Variants in TENM2 observed in about 807,000 individuals in gnomAD.
TENM2 encodes teneurin transmembrane protein 2.
Under a neutral mutation model 245.2 loss-of-function variants are expected in TENM2, and 52 were observed. The ratio of observed to expected loss-of-function variants is 0.21; its 90% CI spans 0.17 to 0.27. TENM2 has a LOEUF of 0.27. Ranked by LOEUF, TENM2 falls within the 10% of genes least tolerant of loss-of-function variation. TENM2 has a pLI of 1.00. For synonymous variants in TENM2, 1,363 were observed against 1,438.9 expected, an observed-to-expected ratio of 0.95 and a Z score of 1.19; for missense variants, 3,046 against 3,666.8, an observed-to-expected ratio of 0.83 and a Z score of 4.37.
intron 12 of TENM2, among the ~76,000 whole-genome samples, chr5:168,137,564 A>G (rs1248218464): frequency 6.6e-6 from 1 of 152,206 alleles, no homozygotes; most frequent in African/African-American, 2.4e-5. Flanking sequence ...ACAAAACTCA[A>G]AACGGTGGCT....
chr5:167,286,655 G>A (rs529921470), intron 1 of TENM2, among the ~76,000 whole-genome samples: 2 of 152,190 alleles, frequency 1.3e-5, no homozygotes, highest in South Asian at 2.1e-4. Flanking sequence ...TCTCATTTAC[G>A]TTGTTCCTGC....
exon 29 of TENM2, chr5:168,262,921 G>A: frequency 1.9e-6 from 2 of 1,050,710 alleles, no homozygotes; most frequent in Non-Finnish European, 2.7e-6. Flanking sequence ...GGCTGCTTTA[G>A]GAGACCAAGT....
intron 6 of TENM2, among the ~76,000 whole-genome samples, chr5:168,049,876 C>G (rs1788925091): frequency 6.6e-6 from 1 of 152,172 alleles, no homozygotes; most frequent in Non-Finnish European, 1.5e-5. Flanking sequence ...AATCTCGGCT[C>G]ACTGCAACCT....
intron 3 of TENM2, among the ~76,000 whole-genome samples, chr5:167,881,760 T>C (rs2151416658): frequency 6.6e-6 from 1 of 152,284 alleles, no homozygotes; most frequent in African/African-American, 2.4e-5. Flanking sequence ...AAGTCCAGCA[T>C]GTTATCTTTG....
At chr5:167,489,447 A>G (rs925948330) in intron 2 of TENM2, among the ~76,000 whole-genome samples, 2 of 152,146 alleles carry the variant, frequency 1.3e-5, no homozygotes, top group Non-Finnish European at 2.9e-5. Context: ...GTTCACTCCC[A>G]CACTATCTTC....
intron 2 of TENM2, among the ~76,000 whole-genome samples, chr5:167,510,598 GAAGAA>G (rs1336973372): frequency 6.8e-6 from 1 of 147,144 alleles, no homozygotes; most frequent in Admixed American, 6.9e-5. Flanking sequence ...GAGAAAGAAA[GAAGAA>G]AAGGAAAGAA....
chr5:167,597,484 C>T (rs996236548), intron 2 of TENM2, among the ~76,000 whole-genome samples: 6 of 152,112 alleles, frequency 3.9e-5, no homozygotes, highest in Non-Finnish European at 7.4e-5. Flanking sequence ...GCCCCATCCC[C>T]ATATGTAACT....
intron 4 of TENM2, among the ~76,000 whole-genome samples, chr5:167,992,555 T>C (rs1164492957): frequency 6.6e-6 from 1 of 152,192 alleles, no homozygotes; most frequent in Non-Finnish European, 1.5e-5. Flanking sequence ...AGTATACCTA[T>C]ATAACAAACT....
At chr5:167,708,196 A>C (rs1682494091) in intron 2 of TENM2, among the ~76,000 whole-genome samples, 1 of 152,138 alleles carries the variant, frequency 6.6e-6, no homozygotes, top group South Asian at 2.1e-4. Context: ...AAGAGTTATC[A>C]CAACTGAAGA....
intron 2 of TENM2, among the ~76,000 whole-genome samples, chr5:167,662,811 C>T (rs1014914773): frequency 3.9e-5 from 6 of 152,138 alleles, no homozygotes; most frequent in Non-Finnish European, 7.3e-5. Context: ...CCATCAGCAT[C>T]ACCTGAGAGC....
upstream of TENM2, among the ~76,000 whole-genome samples, chr5:167,282,000 CAAAAAA>C (rs150534598): frequency 9.3e-6 from 1 of 107,456 alleles, no homozygotes; most frequent in Admixed American, 9.8e-5. Flanking sequence ...AACTCCATCT[CAAAAAA>C]AAAAAAAAAA....
At chr5:167,954,976 C>T (rs1780437127) in intron 4 of TENM2, among the ~76,000 whole-genome samples, 1 of 151,944 alleles carries the variant, frequency 6.6e-6, no homozygotes, top group Admixed American at 6.6e-5. Flanking sequence ...CCTTTGGGTT[C>T]ATACCCAGTA....
intron 2 of TENM2, among the ~76,000 whole-genome samples, chr5:167,410,681 T>G (rs752944554): frequency 2.6e-4 from 39 of 152,170 alleles, no homozygotes; most frequent in Non-Finnish European, 4.1e-4. Context: ...CTAAAATTAT[T>G]CCAGAAAGAA....
intron 1 of TENM2, 128 bp from the exon 4 acceptor site, chr5:167,375,070 C>T: frequency 2.2e-6 from 2 of 919,478 alleles, no homozygotes. Flanking sequence ...AGATCTGTTT[C>T]TGTACACCAT....
the TENM2 span, among the ~76,000 whole-genome samples, chr5:167,085,679 T>C: frequency 6.6e-6 from 1 of 152,086 alleles, no homozygotes; most frequent in Admixed American, 6.6e-5. Context: ...GCTCCTGTCT[T>C]TATGAAGTTG....
At chr5:167,878,595 G>C (rs1001689726) in intron 3 of TENM2, among the ~76,000 whole-genome samples, 5 of 152,040 alleles carry the variant, frequency 3.3e-5, no homozygotes, top group Admixed American at 1.3e-4. Flanking sequence ...GTGTGTGTGT[G>C]TGTGTGTGTG....
At chr5:167,876,857 G>A (rs1411149012) in intron 3 of TENM2, among the ~76,000 whole-genome samples, 1 of 152,042 alleles carries the variant, frequency 6.6e-6, no homozygotes, top group African/African-American at 2.4e-5. Context: ...CTCATTCATG[G>A]AACAGGGAAA....
At chr5:167,751,660 T>C (rs959951404) in intron 2 of TENM2, among the ~76,000 whole-genome samples, 1 of 152,148 alleles carries the variant, frequency 6.6e-6, no homozygotes, top group Non-Finnish European at 1.5e-5. Flanking sequence ...TTTGCTGTTA[T>C]TTAGATTTTT....
At chr5:168,125,371 A>G (rs6863691) in intron 11 of TENM2, among the ~76,000 whole-genome samples, 48,139 of 151,976 alleles carry the variant, frequency 0.32, 8,052 homozygotes, top group East Asian at 0.63. Context: ...TCAGCCCCAG[A>G]CAAACTAAAT....
Sources: allele counts gnomAD v4.1 joint callset (sites outside exome capture counted in the v4.1 genomes callset), GRCh38; gene constraint gnomAD v4.1.1; transcripts MANE v1.5; gene names NCBI Gene and HGNC (gene_info 2026-07-23, HGNC 2026-07-21).